ETNK1: variants seen among roughly 807,000 people sequenced by gnomAD.
ETNK1 encodes the protein putative protein product of Nbla10396.
Under a neutral mutation model 45.1 loss-of-function variants are expected in ETNK1, and 8 were observed. The ratio of observed to expected loss-of-function variants is 0.18; its 90% confidence interval spans 0.10 to 0.32. The LOEUF is 0.32. Among genes scored for constraint, ETNK1 ranks in the 10% least tolerant of loss-of-function variants. The pLI is 1.00. For synonymous variants in ETNK1, 152 were observed against 151.9 expected (o/e 1.00, Z -0.01); for missense variants, 302 against 430.6 (o/e 0.70, Z 2.64).
intron 3 of ETNK1, among the ~76,000 whole-genome samples, chr12:22,659,631 A>G (rs1953978799): frequency 1.3e-5 from 2 of 152,224 alleles, no homozygotes. Flanking sequence ...AATGGAAATT[A>G]CAGTAGTAGT....
At position 22,684,889 on chromosome 12, in the gene ETNK1, A is replaced by T; in HGVS notation, c.1027A>T (p.Ile343Phe). The change falls in exon 8 of 8, where the codon ATT (isoleucine) becomes TTT (phenylalanine). Residue 343 changes from isoleucine to phenylalanine, a missense_variant. Coordinates refer to ENST00000266517, the MANE Select transcript of ETNK1 (RefSeq NM_018638.5). Reference sequence around the variant, plus strand: ...GTTCTCTTTTCTCACTAGGTATGCAATTGTTCGTTTTAACCAGTACTTTAA... The same window carrying T: ...GTTCTCTTTTCTCACTAGGTATGCATTTGTTCGTTTTAACCAGTACTTTAA... ...TIEFDFLGYA[I>F]VRFNQYFKMK... The T allele has an allele frequency of 6.2e-7, 1 of 1,604,414 alleles. No homozygotes were observed. Among genetic ancestry groups the T allele is most frequent in the Non-Finnish European group, 8.5e-7 (1 of 1,176,832 alleles).
chr12:22,664,842 A>C (rs746512273), intron 4 of ETNK1, among the ~76,000 whole-genome samples: 61 of 152,150 alleles, frequency 4.0e-4, no homozygotes, highest in Non-Finnish European at 7.8e-4. Flanking sequence ...TTGAGATACC[A>C]ATAGATAAAA....
chr12:22,644,198 T>A (rs759105386), intron 2 of ETNK1, 176 bp downstream of exon 2: 7 of 1,578,990 alleles, frequency 4.4e-6, no homozygotes, highest in African/African-American at 1.4e-5. Flanking sequence ...AGTAAATTTC[T>A]TTATATTTGC....
intron 1 of ETNK1, among the ~76,000 whole-genome samples, chr12:22,629,088 T>A (rs531770724): frequency 5.6e-4 from 86 of 152,236 alleles, no homozygotes; most frequent in African/African-American, 1.9e-3. Flanking sequence ...AATGGGTTAT[T>A]GTGAGGGTAA....
At chr12:22,670,858 C>CTG (rs1219911670) in intron 4 of ETNK1, among the ~76,000 whole-genome samples, 1 of 152,136 alleles carries the variant, frequency 6.6e-6, no homozygotes, top group African/African-American at 2.4e-5. Flanking sequence ...TGTCAGTTTA[C>CTG]TGTTGGAGTA....
Position 22,661,075 on chromosome 12 carries a change from T to A in ETNK1, c.570T>A (p.Asp190Glu). The A allele has an allele frequency of 6.2e-7, 1 of 1,608,370 alleles. No homozygotes were observed. Among genetic ancestry groups the A allele is most frequent in the Non-Finnish European group, 8.5e-7 (1 of 1,178,594 alleles). ...TTAAAACTAAAAGGTTCCTAAGTGATATCCCAAGCTCTCAGATTCTCCAGG... is the reference window on the plus strand; with the variant it reads ...TTAAAACTAAAAGGTTCCTAAGTGAAATCCCAAGCTCTCAGATTCTCCAGG... Reference protein sequence around the residue: ...DEDINKRFLSDIPSSQILQEE... With the variant: ...DEDINKRFLSEIPSSQILQEE... The change falls in exon 4 of 8, where the codon GAT becomes GAA. Residue 190 changes from aspartate (D) to glutamate (E), a missense_variant. Transcript: ENST00000266517.
At chr12:22,660,893 T>C (rs1953992789) in intron 3 of ETNK1, among the ~76,000 whole-genome samples, 170 bp from the exon 4 acceptor site, 1 of 152,164 alleles carries the variant, frequency 6.6e-6, no homozygotes, top group Admixed American at 6.5e-5. Flanking sequence ...CTAAACTTAC[T>C]ATATAGGTTT....
rs1433994899 is a variant in ETNK1 at position 22,688,272 on chromosome 12, A to G, written c.*3318A>G. The G allele has an allele frequency of 3.9e-5, 6 of 151,970 alleles. No homozygotes were observed. In the East Asian group the frequency reaches 1.2e-3, roughly 29 times the overall value. 9.4% of individuals were successfully genotyped at this position (151,970 alleles called of 1,614,324 possible). On this transcript the variant is annotated 3_prime_UTR_variant, in exon 8 of 8. Coordinates refer to ENST00000266517, the MANE Select transcript of ETNK1 (RefSeq NM_018638.5). ...TATCTCAAATGACTTCTCTAAATTT[A>G]AAGTTGATCATGATAGGATCATAAA... is the stretch of plus-strand genomic sequence containing the variant.
At chr12:22,632,821 T>C (rs1953597788) in intron 1 of ETNK1, among the ~76,000 whole-genome samples, 1 of 152,186 alleles carries the variant, frequency 6.6e-6, no homozygotes, top group Non-Finnish European at 1.5e-5. Context: ...TGCCTCTTTT[T>C]GAATTTTATT....
intron 2 of ETNK1, among the ~76,000 whole-genome samples, chr12:22,647,852 G>A (rs531473656): frequency 1.0e-3 from 154 of 151,966 alleles, no homozygotes; most frequent in Non-Finnish European, 1.8e-3. Flanking sequence ...TGGCTTTAAC[G>A]AGTATGGAAT....
chr12:22,636,699 G>A (rs1953659930), intron 1 of ETNK1, among the ~76,000 whole-genome samples: 1 of 152,082 alleles, frequency 6.6e-6, no homozygotes, highest in Non-Finnish European at 1.5e-5. Flanking sequence ...GGTTGTTTCT[G>A]TACTGAACAT....
At chr12:22,631,622 A>G (rs1174603889) in intron 1 of ETNK1, among the ~76,000 whole-genome samples, 2 of 152,228 alleles carry the variant, frequency 1.3e-5, no homozygotes, top group East Asian at 3.8e-4. Flanking sequence ...GTTAGTCCAG[A>G]CAAGAGGTGC....
At chr12:22,644,430 C>T (rs1441432500) in intron 2 of ETNK1, 17 of 1,089,566 alleles carry the variant, frequency 1.6e-5, no homozygotes, top group Middle Eastern at 3.3e-4. Context: ...TTGTTCTTTA[C>T]GTTGTTCATT....
chr12:22,636,178 A>T (rs1228855600), intron 1 of ETNK1, among the ~76,000 whole-genome samples: 1 of 152,146 alleles, frequency 6.6e-6, no homozygotes, highest in Admixed American at 6.5e-5. Flanking sequence ...AAAGGTAAGA[A>T]AAAGAATATT....
At chr12:22,663,572 CT>C (rs1370143352) in intron 4 of ETNK1, among the ~76,000 whole-genome samples, 9 of 152,054 alleles carry the variant, frequency 5.9e-5, no homozygotes, top group African/African-American at 2.2e-4. Context: ...TATCTCTAAA[CT>C]ATTGATCAGT....
intron 2 of ETNK1, among the ~76,000 whole-genome samples, chr12:22,658,365 G>A (rs1445564292): frequency 6.6e-6 from 1 of 152,184 alleles, no homozygotes; most frequent in African/African-American, 2.4e-5. Flanking sequence ...CAGCTTCAGT[G>A]TATGTTCAGT....
chr12:22,642,659 A>G (rs1592117812), intron 1 of ETNK1, among the ~76,000 whole-genome samples: 1 of 152,118 alleles, frequency 6.6e-6, no homozygotes, highest in South Asian at 2.1e-4. Context: ...AGATAGAAAT[A>G]TTTACCCTCT....
intron 2 of ETNK1, chr12:22,644,237 GA>G: frequency 6.2e-7 from 1 of 1,607,276 alleles, no homozygotes; most frequent in Non-Finnish European, 8.5e-7. Context: ...CTTTGCAAAG[GA>G]AAAACTACAA....
intron 4 of ETNK1, among the ~76,000 whole-genome samples, chr12:22,666,816 A>G (rs1954057440): frequency 6.6e-6 from 1 of 152,186 alleles, no homozygotes; most frequent in Admixed American, 6.5e-5. Flanking sequence ...TCTATACAAT[A>G]TAAATAGAAA....
Sources: gnomAD v4.1 joint callset for allele counts (sites outside exome capture counted in the v4.1 genomes callset) on GRCh38, gnomAD v4.1.1 for gene constraint, MANE v1.5 for transcripts, NCBI Gene and HGNC (gene_info 2026-07-23, HGNC 2026-07-21) for gene names.